The following FRMPD4 variants were observed in gnomAD, a reference collection of about 807,000 sequenced individuals.
The protein encoded by FRMPD4 is FERM and PDZ domain-containing protein 4.
In FRMPD4, 22 loss-of-function variants were observed where a neutral mutation model predicts 94.1. That is an observed-to-expected ratio of 0.23 (90% confidence interval 0.17 to 0.33). The LOEUF (loss-of-function observed/expected upper bound fraction) is 0.33. Ranked by LOEUF, FRMPD4 falls within the 10% of genes least tolerant of loss-of-function variation. The pLI, the probability that FRMPD4 is intolerant of heterozygous loss-of-function variation, is 1.00. For missense variants in FRMPD4, 1,111 were observed against 1,339.9 expected (o/e 0.83, Z 2.67); for synonymous variants, 631 against 548.6 (o/e 1.15, Z -2.10).
At chrX:11,892,376 C>T (rs1387410703) in intron 3 of FRMPD4, among the ~76,000 whole-genome samples, 3 of 112,117 alleles carry the variant, frequency 2.7e-5, no homozygotes, top group Non-Finnish European at 5.6e-5. Context: ...TAAAGATGGT[C>T]TTTCAACAAT....
chrX:12,268,339 A>C (rs190446651), intron 1 of FRMPD4, among the ~76,000 whole-genome samples: 2 of 112,480 alleles, frequency 1.8e-5, no homozygotes, highest in Non-Finnish European at 3.8e-5. Context: ...AGTCTGCTCC[A>C]TAATCATAGG....
intron 3 of FRMPD4, among the ~76,000 whole-genome samples, chrX:11,993,492 A>T (rs1480122018): frequency 8.9e-6 from 1 of 112,090 alleles, no homozygotes; most frequent in Non-Finnish European, 1.9e-5. Flanking sequence ...TGACAAATGC[A>T]CCCTGGTTGC....
chrX:12,113,584 C>T (rs1427484833), intron 3 of FRMPD4, among the ~76,000 whole-genome samples: 6 of 111,904 alleles, frequency 5.4e-5, no homozygotes, highest in African/African-American at 2.0e-4. Context: ...TTCCTGCCTG[C>T]CTTTCTCTTT....
intron 3 of FRMPD4, among the ~76,000 whole-genome samples, chrX:12,123,969 C>T (rs781096993): frequency 1.1e-4 from 12 of 111,492 alleles, no homozygotes; most frequent in Non-Finnish European, 1.9e-4. Flanking sequence ...CTTCCAGTGG[C>T]TTGTGGGCCC....
At chrX:11,969,430 T>C (rs1261313415) in intron 3 of FRMPD4, among the ~76,000 whole-genome samples, 3 of 112,288 alleles carry the variant, frequency 2.7e-5, no homozygotes, top group African/African-American at 9.7e-5. Flanking sequence ...TGGATTTCCA[T>C]GGGCTTAGGC....
intron 2 of FRMPD4, among the ~76,000 whole-genome samples, chrX:12,607,675 T>C (rs1392349666): frequency 8.9e-6 from 1 of 111,848 alleles, no homozygotes; most frequent in East Asian, 2.8e-4. Context: ...ATGAGTGGGG[T>C]AAAACTGTCT....
chrX:12,162,211 G>A (rs1003979230), intron 1 of FRMPD4, among the ~76,000 whole-genome samples: 1 of 112,041 alleles, frequency 8.9e-6, no homozygotes, highest in Non-Finnish European at 1.9e-5. Context: ...ATTTTCAGTG[G>A]TGTGTATAAT....
At chrX:12,459,160 C>T (rs1458021023) in intron 1 of FRMPD4, among the ~76,000 whole-genome samples, 2 of 110,346 alleles carry the variant, frequency 1.8e-5, no homozygotes, top group East Asian at 2.9e-4. Context: ...TAGCCTCAAG[C>T]GTGGGGATTT....
chrX:11,836,946 A>T (rs2053504445), intron 1 of FRMPD4, among the ~76,000 whole-genome samples: 1 of 112,080 alleles, frequency 8.9e-6, no homozygotes, highest in Non-Finnish European at 1.9e-5. Context: ...AAAAAGTGCA[A>T]AGTGAAAAGT....
Position 12,494,318 on chromosome X carries a change from T to C in FRMPD4, c.42-4362T>C, listed in dbSNP as rs749322507. On this transcript the variant is annotated intron_variant, in intron 1 of 16. Transcript: ENST00000675598. ...ATACCTAGTCTCCTCCTCCCCTCAG[T>C]TGTGACCACCAAAAATCTCTAGATA... Among the ~76,000 whole-genome samples, 6 of 111,910 alleles carry C rather than the reference T, an allele frequency of 5.4e-5. No individual in the cohort carries two copies. The East Asian group carries it at 1.4e-3, about 26-fold the overall frequency.
At chrX:12,090,876 G>GT (rs1318853495) in intron 3 of FRMPD4, among the ~76,000 whole-genome samples, 1 of 112,253 alleles carries the variant, frequency 8.9e-6, no homozygotes, top group African/African-American at 3.2e-5. Context: ...TCAAATATTA[G>GT]TAAGGGATGA....
intron 1 of FRMPD4, among the ~76,000 whole-genome samples, chrX:12,335,014 C>T (rs2055494716): frequency 8.9e-6 from 1 of 111,760 alleles, no homozygotes; most frequent in Non-Finnish European, 1.9e-5. Flanking sequence ...GTCAGGGTTC[C>T]ATGCCTACTT....
intron 1 of FRMPD4, among the ~76,000 whole-genome samples, chrX:12,272,656 A>G (rs1256914347): frequency 2.0e-4 from 22 of 112,297 alleles, no homozygotes; most frequent in East Asian, 2.8e-4. Context: ...AATCTGTAAC[A>G]GTTCTTAATT....
intron 4 of FRMPD4, among the ~76,000 whole-genome samples, chrX:12,625,881 A>T (rs1213195011): frequency 3.6e-5 from 4 of 112,093 alleles, no homozygotes; most frequent in Non-Finnish European, 5.6e-5. Context: ...ATACGAATAT[A>T]TCAAAATATT....
chrX:12,389,428 T>G (rs755081846), intron 1 of FRMPD4, among the ~76,000 whole-genome samples: 5 of 107,328 alleles, frequency 4.7e-5, no homozygotes, highest in African/African-American at 1.7e-4. Context: ...TGAGCTGAGA[T>G]CTCACCACTG....
chrX:12,608,319 C>T (rs907715223), intron 2 of FRMPD4, among the ~76,000 whole-genome samples: 13 of 112,556 alleles, frequency 1.2e-4, no homozygotes, highest in Non-Finnish European at 1.9e-4. Context: ...TGGTAAAATC[C>T]ACAAAATAAT....
chrX:11,837,905 T>C (rs1310934632), intron 1 of FRMPD4, among the ~76,000 whole-genome samples: 3 of 111,532 alleles, frequency 2.7e-5, no homozygotes, highest in Non-Finnish European at 3.8e-5. Context: ...AATTAAATCA[T>C]TAAGAATCTA....
chrX:12,062,594 A>G (rs766898887), intron 3 of FRMPD4, among the ~76,000 whole-genome samples: 1 of 111,634 alleles, frequency 9.0e-6, no homozygotes, highest in African/African-American at 3.2e-5. Flanking sequence ...GACTCAAGTC[A>G]TTCTCTCTCC....
intron 2 of FRMPD4, among the ~76,000 whole-genome samples, chrX:12,600,762 G>A (rs2148406210): frequency 8.9e-6 from 1 of 112,152 alleles, no homozygotes; most frequent in Non-Finnish European, 1.9e-5. Context: ...TCTAGTCAAA[G>A]CTACTACTCC....
Sources: gnomAD v4.1 joint callset for allele counts (sites outside exome capture counted in the v4.1 genomes callset) on GRCh38, gnomAD v4.1.1 for gene constraint, MANE v1.5 for transcripts, NCBI Gene and HGNC (gene_info 2026-07-23, HGNC 2026-07-21) for gene names.